EPHA7: variants seen among roughly 807,000 people sequenced by gnomAD.
EPHA7 encodes the protein ephrin type-A receptor 7.
EPHA7 carries 25 observed loss-of-function variants against 112.6 expected under a neutral mutation model. That is an observed-to-expected ratio of 0.22 (90% confidence interval 0.16 to 0.31). The LOEUF is 0.31. EPHA7 is among the 10% of genes least tolerant of loss of function. EPHA7 has a pLI of 1.00. For synonymous variants in EPHA7, 437 were observed against 406.5 expected, an observed-to-expected ratio of 1.07 and a Z score of -0.90; for missense variants, 962 against 1,212.6, an observed-to-expected ratio of 0.79 and a Z score of 3.07.
chr6:93,289,287 T>C (rs887380375), intron 5 of EPHA7, among the ~76,000 whole-genome samples: 11 of 152,204 alleles, frequency 7.2e-5, no homozygotes, highest in African/African-American at 2.7e-4. Flanking sequence ...ATACCATGTA[T>C]AGTTAGAATA....
At chr6:93,263,624 T>C (rs532371482) in intron 9 of EPHA7, among the ~76,000 whole-genome samples, 1 of 151,618 alleles carries the variant, frequency 6.6e-6, no homozygotes, top group East Asian at 1.9e-4. Context: ...CATTGTGATG[T>C]AAAAGCAGCT....
At chr6:93,333,812 A>G (rs1774722615) in intron 5 of EPHA7, among the ~76,000 whole-genome samples, 1 of 151,998 alleles carries the variant, frequency 6.6e-6, no homozygotes, top group Non-Finnish European at 1.5e-5. Context: ...AAGCAAATAG[A>G]AAAACATTCC....
At chr6:93,347,071 A>C (rs1775438686) in intron 5 of EPHA7, among the ~76,000 whole-genome samples, 1 of 151,808 alleles carries the variant, frequency 6.6e-6, no homozygotes, top group South Asian at 2.1e-4. Context: ...ATATTTTTTG[A>C]AGAGGATGCT....
At chr6:93,292,596 C>A (rs1261424430) in intron 5 of EPHA7, among the ~76,000 whole-genome samples, 1 of 152,036 alleles carries the variant, frequency 6.6e-6, no homozygotes, top group Admixed American at 6.6e-5. Flanking sequence ...CTATTAATAT[C>A]TATTGCTTTA....
Position 93,242,991 on chromosome 6 carries a change from G to T in EPHA7, c.*435C>A. The T allele has an allele frequency of 4.6e-6, 1 of 219,368 alleles. No individual in the cohort carries two copies. Among genetic ancestry groups the T allele is most frequent in the East Asian group, 6.8e-5 (1 of 14,650 alleles). 13.6% of individuals were successfully genotyped at this position (219,368 alleles called of 1,614,324 possible). A position where few individuals can be genotyped will look rare whatever the true frequency, so the allele number is the denominator to read the frequency against. On this transcript the variant is annotated 3_prime_UTR_variant, in exon 17 of 17. Coordinates refer to ENST00000369303, the MANE Select transcript of EPHA7 (RefSeq NM_004440.4). Reference sequence around the variant, plus strand: ...CTTTCTAAAACAAAGTCCTTATGAAGAATAAACACAAATGATTTTAAAAAG... The same window carrying T: ...CTTTCTAAAACAAAGTCCTTATGAATAATAAACACAAATGATTTTAAAAAG...
chr6:93,333,029 C>T (rs1774674751), intron 5 of EPHA7, among the ~76,000 whole-genome samples: 1 of 151,660 alleles, frequency 6.6e-6, no homozygotes, highest in Admixed American at 6.6e-5. Context: ...GATCCTCTCC[C>T]TCCTCCAAAA....
intron 5 of EPHA7, among the ~76,000 whole-genome samples, chr6:93,304,366 G>A (rs1281875551): frequency 1.3e-5 from 2 of 151,896 alleles, no homozygotes; most frequent in South Asian, 2.1e-4. Flanking sequence ...GTAAACTAAC[G>A]GAGTTGTGCA....
At position 93,354,711 on chromosome 6, in the gene EPHA7, A is replaced by G. The variant is rs184044891; in HGVS notation, c.1324+2006T>C. 5.1e-4 allele frequency among the ~76,000 whole-genome samples: 78 copies of G among 151,786 alleles called. 1 individual carries two copies. Among genetic ancestry groups the G allele is most frequent in the African/African-American group, 1.8e-3 (74 of 41,492 alleles). On this transcript the variant is annotated intron_variant, in intron 5 of 16. Coordinates refer to ENST00000369303, the MANE Select transcript of EPHA7 (RefSeq NM_004440.4). ...GAGTCAACATCCAAAGCCATTTTAC[A>G]TAACAACTGCGAAATATTTGATTCC... is the stretch of plus-strand genomic sequence containing the variant.
chr6:93,412,281 T>C lies in EPHA7; in HGVS notation c.163-1111A>G, dbSNP rs555656885. On this transcript the variant is annotated intron_variant, in intron 2 of 16. Transcript: ENST00000369303. Reference sequence around the variant, plus strand: ...TGCATAGCATGCAATATTTTAACTATTGTTTCAAGAAAAGATGAGAAAATA... The same window carrying C: ...TGCATAGCATGCAATATTTTAACTACTGTTTCAAGAAAAGATGAGAAAATA... Among the ~76,000 whole-genome samples the C allele has an allele frequency of 3.1e-3, 460 of 149,960 alleles. 3 individuals are homozygous for C. Among genetic ancestry groups the C allele is most frequent in the African/African-American group, 0.01 (412 of 40,392 alleles).
chr6:93,351,201 T>C lies in EPHA7; in HGVS notation c.1324+5516A>G, dbSNP rs773893845. Among the ~76,000 whole-genome samples, 11 of 152,150 alleles carry C rather than the reference T, an allele frequency of 7.2e-5. No homozygotes were observed. The South Asian group carries it at 1.0e-3, about 14-fold the overall frequency. ...AACTGCAACCCATGTCTGGACAACA[T>C]AGACGTATAAAACTGTCACCTAGGG... On this transcript the variant is annotated intron_variant, in intron 5 of 16. Coordinates refer to ENST00000369303, the MANE Select transcript of EPHA7 (RefSeq NM_004440.4).
At chr6:93,417,374 CTAGA>C (rs1562174154) in intron 1 of EPHA7, among the ~76,000 whole-genome samples, 2 of 152,128 alleles carry the variant, frequency 1.3e-5, no homozygotes. Context: ...GCGTCGCCGC[CTAGA>C]AGCCGGGCGC....
intron 15 of EPHA7, among the ~76,000 whole-genome samples, chr6:93,245,811 AG>A (rs1769919432): frequency 6.6e-6 from 1 of 152,170 alleles, no homozygotes. Context: ...TCAGGCCACG[AG>A]GGTGCTGTAG....
chr6:93,404,655 A>AGG (rs1778605853), intron 3 of EPHA7, among the ~76,000 whole-genome samples: 1 of 141,876 alleles, frequency 7.0e-6, no homozygotes, highest in Non-Finnish European at 1.6e-5. Flanking sequence ...GTTTAGAGAG[A>AGG]GGGAGAGAGA....
In EPHA7 at chr6:93,356,844, A is replaced by G. The variant is rs1775971396; in HGVS notation, c.1197T>C (p.Tyr399=). The G allele has an allele frequency of 1.9e-6, 3 of 1,614,200 alleles. No homozygotes were observed. Among genetic ancestry groups the G allele is most frequent in the Admixed American group, 1.7e-5 (1 of 60,024 alleles). ...MPQQTGLEDN[Y]VTVMDLLAHA... Reference sequence around the variant, plus strand: ...GGGCTAGCAGGTCCATGACAGTGACATAGTTATCCTCTAATCCAGTCTGCT... The same window carrying G: ...GGGCTAGCAGGTCCATGACAGTGACGTAGTTATCCTCTAATCCAGTCTGCT... Residue 399 remains tyrosine, a synonymous_variant, in exon 5 of 17, where the codon TAT becomes TAC. Transcript: ENST00000369303.
intron 5 of EPHA7, among the ~76,000 whole-genome samples, chr6:93,273,241 G>T (rs181711099): frequency 2.6e-5 from 4 of 152,022 alleles, no homozygotes; most frequent in East Asian, 1.9e-4. Context: ...CGTCTAATTT[G>T]CTCAGTGATG....
intron 5 of EPHA7, among the ~76,000 whole-genome samples, chr6:93,317,490 T>G (rs1304819593): frequency 1.3e-5 from 2 of 152,124 alleles, no homozygotes; most frequent in African/African-American, 4.8e-5. Flanking sequence ...CATGGTTAAT[T>G]CTCAGATACA....
At chr6:93,286,068 TTC>T (rs1430924981) in intron 5 of EPHA7, among the ~76,000 whole-genome samples, 1 of 152,150 alleles carries the variant, frequency 6.6e-6, no homozygotes, top group African/African-American at 2.4e-5. Flanking sequence ...AAGTTTGCCT[TTC>T]TCTGAGTTAC....
chr6:93,398,063 A>G (rs1453246984), intron 3 of EPHA7, among the ~76,000 whole-genome samples: 5 of 152,002 alleles, frequency 3.3e-5, no homozygotes, highest in Non-Finnish European at 7.4e-5. Flanking sequence ...ACTAAAGATC[A>G]GAACAAGTTG....
chr6:93,413,479 C>T (rs1030453437), intron 2 of EPHA7, among the ~76,000 whole-genome samples: 3 of 151,872 alleles, frequency 2.0e-5, no homozygotes, highest in Non-Finnish European at 4.4e-5. Context: ...AAATGGGCTA[C>T]ATCTGTCATT....
Sources: allele counts gnomAD v4.1 joint callset (sites outside exome capture counted in the v4.1 genomes callset), GRCh38; gene constraint gnomAD v4.1.1; transcripts MANE v1.5; gene names NCBI Gene and HGNC (gene_info 2026-07-23, HGNC 2026-07-21).